RRAS2: variants seen among roughly 807,000 people sequenced by gnomAD.
RRAS2 encodes the protein RAS related 2.
Under a neutral mutation model 27.6 loss-of-function variants are expected in RRAS2, and 7 were observed. The observed-to-expected ratio is 0.25, with a 90% CI of 0.14 to 0.48. The LOEUF (loss-of-function observed/expected upper bound fraction) is 0.48. RRAS2 is among the 20% of genes least tolerant of loss of function. The pLI, the probability that RRAS2 is intolerant of heterozygous loss-of-function variation, is 0.99. For synonymous variants in RRAS2, 86 were observed against 90.9 expected (o/e 0.95, Z 0.31); for missense variants, 178 against 256.2 (o/e 0.69, Z 2.08).
At chr11:14,307,126 G>C (rs1248572092) in intron 1 of RRAS2, among the ~76,000 whole-genome samples, 1 of 151,816 alleles carries the variant, frequency 6.6e-6, no homozygotes, top group Non-Finnish European at 1.5e-5. Flanking sequence ...GGGAAGTCAA[G>C]GCTGCAGTGA....
chr11:14,341,792 A>G (rs1848712885), intron 1 of RRAS2: 1 of 454,272 alleles, frequency 2.2e-6, no homozygotes. Flanking sequence ...ATGAAAAAAT[A>G]TAAATACGCA....
chr11:14,292,600 TC>T (rs1847429190), intron 4 of RRAS2, among the ~76,000 whole-genome samples: 1 of 151,830 alleles, frequency 6.6e-6, no homozygotes, highest in African/African-American at 2.4e-5. Flanking sequence ...CAAAATTAAA[TC>T]TAAAAAAAAT....
intron 1 of RRAS2, among the ~76,000 whole-genome samples, chr11:14,301,366 T>C (rs1847698971): frequency 6.6e-6 from 1 of 152,224 alleles, no homozygotes; most frequent in South Asian, 2.1e-4. Context: ...ACACATCATG[T>C]AGAAGGCTGA....
intron 1 of RRAS2, among the ~76,000 whole-genome samples, chr11:14,335,433 A>G (rs1848570303): frequency 6.6e-6 from 1 of 152,180 alleles, no homozygotes; most frequent in African/African-American, 2.4e-5. Flanking sequence ...TCAGAACTGA[A>G]CTCATCATAA....
chr11:14,319,723 C>A (rs925847091), intron 1 of RRAS2, among the ~76,000 whole-genome samples: 12 of 152,182 alleles, frequency 7.9e-5, no homozygotes, highest in Non-Finnish European at 1.6e-4. Context: ...AGAATTTCTG[C>A]TACTTCCCCT....
At chr11:14,340,255 C>T (rs1409028004) in intron 1 of RRAS2, among the ~76,000 whole-genome samples, 1 of 151,830 alleles carries the variant, frequency 6.6e-6, no homozygotes, top group Non-Finnish European at 1.5e-5. Flanking sequence ...CCCCACCATG[C>T]CCAGCTAATT....
intron 1 of RRAS2, among the ~76,000 whole-genome samples, chr11:14,323,199 C>G (rs782727787): frequency 6.6e-6 from 1 of 152,136 alleles, no homozygotes; most frequent in Non-Finnish European, 1.5e-5. Context: ...GTAATGCCAA[C>G]ACTTTGGGAG....
At chr11:14,297,424 C>T (rs1261128826) in intron 1 of RRAS2, among the ~76,000 whole-genome samples, 1 of 152,158 alleles carries the variant, frequency 6.6e-6, no homozygotes, top group Non-Finnish European at 1.5e-5. Flanking sequence ...CTGCCTGATA[C>T]CATGACTTTA....
rs782630931 is a variant in RRAS2, at chr11:14,294,869, A to T, written c.197-7T>A. On this transcript the variant is annotated splice_polypyrimidine_tract_variant and splice_region_variant and intron_variant, in intron 2 of 5. Coordinates refer to ENST00000256196, the MANE Select transcript of RRAS2 (RefSeq NM_012250.6). ...TGTCCTGCTGTATCCAAAACTAAAGAAAAAACAACAAATGTAATTATACTT... is the reference window on the plus strand; with the variant it reads ...TGTCCTGCTGTATCCAAAACTAAAGTAAAAACAACAAATGTAATTATACTT... The T allele has an allele frequency of 5.0e-6, 8 of 1,609,654 alleles. No homozygotes were observed. Among genetic ancestry groups the T allele is most frequent in the Admixed American group, 3.3e-5 (2 of 59,894 alleles).
At chr11:14,325,975 G>C (rs188525736) in intron 1 of RRAS2, among the ~76,000 whole-genome samples, 2 of 152,140 alleles carry the variant, frequency 1.3e-5, no homozygotes, top group African/African-American at 4.8e-5. Context: ...ATCAAGTCTG[G>C]AATCTCACTA....
intron 1 of RRAS2, among the ~76,000 whole-genome samples, chr11:14,350,683 G>A (rs1440992253): frequency 9.2e-5 from 14 of 151,470 alleles, no homozygotes; most frequent in East Asian, 5.8e-4. Context: ...CTAAACTAAC[G>A]ATAGCTGACG....
rs947295624 is a variant in RRAS2 at position 14,306,137 on chromosome 11, G to A, written c.109-10282C>T. 4.7e-5 allele frequency among the ~76,000 whole-genome samples: 7 copies of A among 150,040 alleles called. 1 individual carries two copies. Among genetic ancestry groups the A allele is most frequent in the Middle Eastern group, 3.2e-3 (1 of 314 alleles). On this transcript the variant is annotated intron_variant, in intron 1 of 5. Coordinates refer to ENST00000256196, the MANE Select transcript of RRAS2 (RefSeq NM_012250.6). ...AATAGTCTCTCACTGCAGTTTTAAT[G>A]TGCATTTCCCTAGTGGGATGTTGAG...
intron 1 of RRAS2, among the ~76,000 whole-genome samples, chr11:14,345,478 A>G (rs959490923): frequency 2.0e-5 from 3 of 152,220 alleles, no homozygotes; most frequent in African/African-American, 7.2e-5. Flanking sequence ...CTTATAGTCT[A>G]GTGCTTACAG....
chr11:14,287,585 A>T (rs1161330078), intron 4 of RRAS2, among the ~76,000 whole-genome samples: 1 of 152,154 alleles, frequency 6.6e-6, no homozygotes, highest in East Asian at 1.9e-4. Context: ...GGGTAAAAAA[A>T]GTTAGGCCAG....
Position 14,341,218 on chromosome 11 carries a change from A to G in RRAS2, c.108+17545T>C, listed in dbSNP as rs1554953207. On this transcript the variant is annotated intron_variant, in intron 1 of 5. Transcript: ENST00000256196. The stretch of plus-strand genomic sequence containing the variant: ...AATTTCATGAGCAAAAAAAGTCAAC[A>G]GCATAGCACAGAGCACAGGTCTAGT... Among the ~76,000 whole-genome samples, 5 of 152,358 alleles carry G rather than the reference A, an allele frequency of 3.3e-5. No homozygotes were observed. In the South Asian group the frequency reaches 1.0e-3, roughly 32 times the overall value.
chr11:14,357,244 A>G (rs1384627220), intron 1 of RRAS2, among the ~76,000 whole-genome samples: 2 of 152,130 alleles, frequency 1.3e-5, no homozygotes, highest in African/African-American at 4.8e-5. Flanking sequence ...CACTACCAAT[A>G]TTGTAACCCA....
intron 1 of RRAS2, among the ~76,000 whole-genome samples, chr11:14,324,799 C>CA (rs1470987428): frequency 4.0e-5 from 6 of 151,626 alleles, no homozygotes; most frequent in Non-Finnish European, 8.8e-5. Flanking sequence ...CAAGAATAGG[C>CA]AAAAAAGACA....
At chr11:14,344,438 T>C (rs975852606) in intron 1 of RRAS2, among the ~76,000 whole-genome samples, 33 of 152,222 alleles carry the variant, frequency 2.2e-4, no homozygotes, top group Non-Finnish European at 2.8e-4. Flanking sequence ...TTTCCCTTAG[T>C]TGACACACCT....
At chr11:14,301,019 C>T (rs1554947308) in intron 1 of RRAS2, among the ~76,000 whole-genome samples, 3 of 152,152 alleles carry the variant, frequency 2.0e-5, no homozygotes, top group African/African-American at 7.2e-5. Context: ...GATAGGCTAG[C>T]TCTAAGGTAC....
Sources: allele counts gnomAD v4.1 joint callset (sites outside exome capture counted in the v4.1 genomes callset), GRCh38; gene constraint gnomAD v4.1.1; transcripts MANE v1.5; gene names NCBI Gene and HGNC (gene_info 2026-07-23, HGNC 2026-07-21).